The following PWWP3A variants were observed in gnomAD, a reference collection of about 807,000 sequenced individuals.
PWWP3A encodes PWWP domain-containing DNA repair factor 3A.
Under a neutral mutation model 79.0 loss-of-function variants are expected in PWWP3A, and 53 were observed. The observed-to-expected ratio is 0.67, with a 90% confidence interval of 0.54 to 0.84. The LOEUF (loss-of-function observed/expected upper bound fraction) is 0.84. Ranked by LOEUF, PWWP3A falls within the 40% of genes least tolerant of loss-of-function variation. PWWP3A has a pLI of 0.00. For missense variants in PWWP3A, 973 were observed against 948.0 expected, an observed-to-expected ratio of 1.03 and a Z score of -0.35; for synonymous variants, 443 against 394.4, an observed-to-expected ratio of 1.12 and a Z score of -1.46.
rs747990038 is a variant in PWWP3A at position 1,360,457 on chromosome 19, G to C, written c.536G>C (p.Gly179Ala). ...DPECKVDHKK[G>A]LRKSENPRGP... ...GAGTGCAAAGTGGACCACAAGAAGG[G>C]GCTCAGGAAAAGTGAAAACCCAAGA... is the stretch of plus-strand genomic sequence containing the variant. Residue 179 changes from glycine to alanine, a missense_variant, in exon 5 of 14, where the codon GGG becomes GCG. Transcript: ENST00000591337. This position sits in a 1 kb window ranked among gnomAD's most constrained non-coding sequence, Gnocchi z 4.4. 1.2e-5 allele frequency: 19 copies of C among 1,614,058 alleles called. No individual in the cohort carries two copies. Among genetic ancestry groups the C allele is most frequent in the Middle Eastern group, 1.6e-4 (1 of 6,084 alleles).
chr19:1,363,479 C>T (rs1262363811), intron 6 of PWWP3A, among the ~76,000 whole-genome samples: 2 of 152,184 alleles, frequency 1.3e-5, no homozygotes, highest in Non-Finnish European at 2.9e-5. Flanking sequence ...CTGCAGGATC[C>T]GTTCGCACAC....
At chr19:1,366,207 C>A in intron 7 of PWWP3A, 98 bp from the exon 8 acceptor site, 2 of 1,056,630 alleles carry the variant, frequency 1.9e-6, no homozygotes, top group Non-Finnish European at 2.8e-6. Flanking sequence ...GAGCTGGGGT[C>A]AGCGCCTGTT....
intron 13 of PWWP3A, among the ~76,000 whole-genome samples, chr19:1,375,576 A>ATATTGTATATAT (rs2082362527): frequency 7.1e-6 from 1 of 140,392 alleles, no homozygotes; most frequent in Non-Finnish European, 1.5e-5. Flanking sequence ...AATATATTAT[A>ATATTGTATATAT]TATAAAATGT....
At chr19:1,375,537 T>TATATATAAGATATA (rs1162661703) in intron 13 of PWWP3A, among the ~76,000 whole-genome samples, 1 of 96,216 alleles carries the variant, frequency 1.0e-5, no homozygotes, top group Non-Finnish European at 1.9e-5. Context: ...ATTTATATAT[T>TATATATAAGATATA]TTATATATAA....
intron 6 of PWWP3A, 90 bp from the exon 7 acceptor site, chr19:1,364,417 CTG>C (rs1458543005): frequency 2.7e-5 from 24 of 894,740 alleles, no homozygotes; most frequent in East Asian, 9.8e-5. Context: ...ATCGTGCTAA[CTG>C]TGTTTTCTCA....
In PWWP3A at chr19:1,364,607, G is replaced by C. The variant is rs2082090865; in HGVS notation, c.1284+28G>C. The stretch of plus-strand genomic sequence containing the variant: ...AAGAACAGCTTCCTCCGTCTTCTCA[G>C]ATGTAGTTACTTAAATTTCATGAAT... On this transcript the variant is annotated intron_variant, in intron 7 of 13. Transcript: ENST00000591337. The C allele has an allele frequency of 2.0e-6, 3 of 1,492,918 alleles. No homozygotes were observed. The South Asian group carries it at 3.6e-5, about 18-fold the overall frequency. The allele number at this position is 1,492,918 out of a possible 1,614,324, so 92.5% of individuals were successfully genotyped here. A position where few individuals can be genotyped will look rare whatever the true frequency, so the allele number is the denominator to read the frequency against.
intron 13 of PWWP3A, 70 bp downstream of exon 13, chr19:1,373,230 A>G (rs2082299869): frequency 6.4e-6 from 9 of 1,415,976 alleles, no homozygotes; most frequent in Non-Finnish European, 8.9e-6. Flanking sequence ...CCACACCCAC[A>G]GGCAGTTTGA....
chr19:1,375,221 C>CA (rs397793345), intron 13 of PWWP3A, among the ~76,000 whole-genome samples: 54,160 of 130,518 alleles, frequency 0.41, 11,611 homozygotes, highest in Middle Eastern at 0.58. Context: ...GACTCCGTTT[C>CA]AAAAAAAAAA....
intron 7 of PWWP3A, 87 bp from the exon 8 acceptor site, chr19:1,366,218 A>AGATG: frequency 2.3e-6 from 3 of 1,320,176 alleles, no homozygotes; most frequent in Non-Finnish European, 2.2e-6. Flanking sequence ...AGCGCCTGTT[A>AGATG]GATGTATCAT....
intron 13 of PWWP3A, among the ~76,000 whole-genome samples, chr19:1,375,464 TATATAAAATTTATATATTATATAAA>T (rs1274839038): frequency 4.3e-4 from 54 of 124,834 alleles, no homozygotes; most frequent in Non-Finnish European, 9.9e-5. Context: ...TAATGTATAT[TATATAAAATTTATATATTATATAAA>T]ATATATAAAT....
Position 1,373,055 on chromosome 19 carries a change from C to T in PWWP3A, c.1987-17C>T. 1 of 1,612,884 alleles carries T rather than the reference C, an allele frequency of 6.2e-7. No homozygotes were observed. The highest frequency in any genetic ancestry group is 8.5e-7 in the Non-Finnish European group (1 of 1,179,156). On this transcript the variant is annotated splice_polypyrimidine_tract_variant and intron_variant, in intron 12 of 13. Coordinates refer to ENST00000591337, the MANE Select transcript of PWWP3A (RefSeq NM_001369789.1). ...TGGGCAGTGCCTGCTGCTATTGAGC[C>T]CCGTGCCCTCTCACAGGCCATCATC...
chr19:1,375,073 AC>A (rs2082336299), intron 13 of PWWP3A, among the ~76,000 whole-genome samples: 1 of 150,000 alleles, frequency 6.7e-6, no homozygotes, highest in Non-Finnish European at 1.5e-5. Flanking sequence ...AAAAAAAAAA[AC>A]CAAGCATGGT....
At chr19:1,359,916 TA>T in intron 4 of PWWP3A, 3 of 464,398 alleles carry the variant, frequency 6.5e-6, no homozygotes, top group South Asian at 6.1e-5. Flanking sequence ...ATTTGGTTTT[TA>T]AAAAAATGAA....
In PWWP3A at chr19:1,369,022, TC is replaced by T; in HGVS notation, c.1423-239del. On this transcript the variant is annotated intron_variant, in intron 9 of 13. Transcript: ENST00000591337. The surrounding 1 kb of genome is among the most constrained non-coding windows in gnomAD (Gnocchi z 4.0). Reference sequence around the variant, plus strand: ...GTTCAGATCAGCCCAAGCCATCGGGTCCCCGGTGCCCACCATTTGAGCAGCT... The same window carrying T: ...GTTCAGATCAGCCCAAGCCATCGGGTCCCGGTGCCCACCATTTGAGCAGCT... 1 of 479,266 alleles carries T rather than the reference TC, an allele frequency of 2.1e-6. No individual in the cohort carries two copies. The highest frequency in any genetic ancestry group is 3.8e-6 in the Non-Finnish European group (1 of 260,978). 29.7% of individuals were successfully genotyped at this position (479,266 alleles called of 1,614,324 possible).
chr19:1,363,311 C>CT (rs1197992225), intron 6 of PWWP3A, among the ~76,000 whole-genome samples: 4 of 152,188 alleles, frequency 2.6e-5, no homozygotes. Flanking sequence ...AATGGTCAGA[C>CT]TTTTTAACAG....
At chr19:1,356,981 C>T (rs2081885942) in intron 2 of PWWP3A, 28 bp from the exon 3 acceptor site, 3 of 1,590,376 alleles carry the variant, frequency 1.9e-6, no homozygotes, top group Non-Finnish European at 2.6e-6. Flanking sequence ...GTTGTAATAA[C>T]AAGGATTTTC....
intron 8 of PWWP3A, among the ~76,000 whole-genome samples, chr19:1,366,583 C>A (rs1402037602): frequency 6.6e-6 from 1 of 152,178 alleles, no homozygotes; most frequent in African/African-American, 2.4e-5. Context: ...CAGACAGAGG[C>A]TGGGTGTGAA....
chr19:1,362,159 A>G (rs1220498683), intron 5 of PWWP3A, 91 bp from the exon 6 acceptor site: 8 of 1,060,284 alleles, frequency 7.5e-6, no homozygotes, highest in African/African-American at 4.8e-5. Context: ...TTCTTTATGC[A>G]TCGATGGTCA....
Position 1,366,369 on chromosome 19 carries a change from C to G in PWWP3A, c.1349C>G (p.Pro450Arg), listed in dbSNP as rs1479793786. The change falls in exon 8 of 14, where the codon CCG becomes CGG. Residue 450 changes from proline to arginine, a missense_variant. Coordinates refer to ENST00000591337, the MANE Select transcript of PWWP3A (RefSeq NM_001369789.1). ...SVLYIEGHMN[P>R]KMKGFTVSLK... is the part of the protein sequence containing the mutation. ...CTATACATCGAAGGACACATGAACC[C>G]GAAAATGAAAGGGTAACCCGCTGTT... is the stretch of plus-strand genomic sequence containing the variant. 6.2e-7 allele frequency: 1 copy of G among 1,614,122 alleles called. No homozygotes were observed. The highest frequency in any genetic ancestry group is 1.7e-5 in the Admixed American group (1 of 60,022).
Sources: allele counts gnomAD v4.1 joint callset (sites outside exome capture counted in the v4.1 genomes callset), GRCh38; gene constraint gnomAD v4.1.1; non-coding constraint Gnocchi (gnomAD v3.1); transcripts MANE v1.5; gene names NCBI Gene and HGNC (gene_info 2026-07-23, HGNC 2026-07-21).